The following GPC5 variants were observed in gnomAD, a reference collection of about 807,000 sequenced individuals.
The protein encoded by GPC5 is glypican 5.
A neutral mutation model predicts 53.9 loss-of-function variants in GPC5; 47 were observed. That is an observed-to-expected ratio of 0.87 (90% CI 0.69 to 1.11). The LOEUF is 1.11. Among genes scored for constraint, GPC5 ranks in the 50% most tolerant of loss-of-function variants. The pLI is 0.00. For missense variants in GPC5, 748 were observed against 713.1 expected (o/e 1.05, Z -0.56); for synonymous variants, 286 against 263.3 (o/e 1.09, Z -0.84).
intron 7 of GPC5, among the ~76,000 whole-genome samples, chr13:92,758,043 T>G (rs983181499): frequency 6.6e-6 from 1 of 150,788 alleles, no homozygotes; most frequent in Non-Finnish European, 1.5e-5. Context: ...GTATGTTTAT[T>G]GTGGCACTAT....
intron 7 of GPC5, among the ~76,000 whole-genome samples, chr13:92,204,909 C>A (rs1006609314): frequency 6.6e-6 from 1 of 152,128 alleles, no homozygotes; most frequent in African/African-American, 2.4e-5. Flanking sequence ...GACAGAGTCT[C>A]GCTCTTTCTC....
At chr13:91,456,832 AT>A (rs67560339) in intron 2 of GPC5, among the ~76,000 whole-genome samples, 191 of 143,132 alleles carry the variant, frequency 1.3e-3, no homozygotes, top group East Asian at 1.4e-3. Context: ...TGAATATGGG[AT>A]TTTTTTTTTT....
intron 7 of GPC5, among the ~76,000 whole-genome samples, chr13:92,167,719 AG>A (rs1246127262): frequency 6.6e-6 from 1 of 152,198 alleles, no homozygotes; most frequent in Non-Finnish European, 1.5e-5. Flanking sequence ...TAAACACAAA[AG>A]CTTCCAGATC....
At chr13:91,541,859 C>G (rs1035583447) in intron 2 of GPC5, among the ~76,000 whole-genome samples, 1 of 119,038 alleles carries the variant, frequency 8.4e-6, no homozygotes, top group Non-Finnish European at 1.9e-5. Flanking sequence ...TTATTTCTGA[C>G]TTTAATAAGA....
At chr13:92,655,399 A>G (rs1886098030) in intron 7 of GPC5, among the ~76,000 whole-genome samples, 1 of 151,966 alleles carries the variant, frequency 6.6e-6, no homozygotes, top group South Asian at 2.1e-4. Flanking sequence ...CAATGGCACA[A>G]TCTCGACTCA....
chr13:91,418,408 T>A (rs1164017422), intron 1 of GPC5, among the ~76,000 whole-genome samples: 1 of 152,168 alleles, frequency 6.6e-6, no homozygotes, highest in Admixed American at 6.5e-5. Flanking sequence ...CAAGGAGTGC[T>A]AGGATCAGCA....
chr13:92,434,534 A>G (rs1207036567), intron 7 of GPC5, among the ~76,000 whole-genome samples: 2 of 152,142 alleles, frequency 1.3e-5, no homozygotes, highest in African/African-American at 4.8e-5. Flanking sequence ...ATTCAAGATG[A>G]CCTTTTCTTT....
chr13:92,075,301 T>C (rs1191780519), intron 6 of GPC5, among the ~76,000 whole-genome samples: 4 of 152,264 alleles, frequency 2.6e-5, no homozygotes, highest in Admixed American at 2.0e-4. Flanking sequence ...GACTTCACTA[T>C]TTTCAACTCA....
chr13:92,720,395 T>C (rs1403392444), intron 7 of GPC5, among the ~76,000 whole-genome samples: 1 of 152,174 alleles, frequency 6.6e-6, no homozygotes, highest in East Asian at 1.9e-4. Flanking sequence ...TAAAAGTAAT[T>C]CAATAATAGT....
chr13:91,709,645 A>G (rs1447781159), intron 3 of GPC5, among the ~76,000 whole-genome samples: 1 of 152,178 alleles, frequency 6.6e-6, no homozygotes, highest in African/African-American at 2.4e-5. Flanking sequence ...CAACACTGTA[A>G]CTTCTCTTTT....
intron 7 of GPC5, among the ~76,000 whole-genome samples, chr13:92,728,628 A>ATTG (rs2139296294): frequency 6.6e-6 from 1 of 151,524 alleles, no homozygotes; most frequent in African/African-American, 2.4e-5. Context: ...TACAGCACTG[A>ATTG]TTGTTATTAT....
intron 6 of GPC5, among the ~76,000 whole-genome samples, chr13:92,091,883 G>T (rs1373927403): frequency 1.3e-5 from 2 of 151,902 alleles, no homozygotes; most frequent in African/African-American, 4.8e-5. Flanking sequence ...ATACATACAG[G>T]CCATGAGTTA....
intron 2 of GPC5, among the ~76,000 whole-genome samples, chr13:91,638,869 A>G (rs183816852): frequency 1.3e-5 from 2 of 152,336 alleles, no homozygotes; most frequent in African/African-American, 4.8e-5. Flanking sequence ...GGATGAATTA[A>G]TCTGTATGTT....
At chr13:91,862,723 A>T (rs1156651844) in intron 5 of GPC5, among the ~76,000 whole-genome samples, 1 of 152,172 alleles carries the variant, frequency 6.6e-6, no homozygotes, top group African/African-American at 2.4e-5. Flanking sequence ...AAACCAGAAA[A>T]TTAATGTTAA....
intron 6 of GPC5, among the ~76,000 whole-genome samples, chr13:92,132,006 A>G (rs2041747971): frequency 6.6e-6 from 1 of 152,132 alleles, no homozygotes; most frequent in Non-Finnish European, 1.5e-5. Context: ...TACACTCAAA[A>G]CAGTTCAATT....
At chr13:92,452,062 A>G (rs1359423287) in intron 7 of GPC5, among the ~76,000 whole-genome samples, 2 of 152,232 alleles carry the variant, frequency 1.3e-5, no homozygotes, top group Admixed American at 6.5e-5. Flanking sequence ...CAAATATAAT[A>G]CAATTCTAAT....
intron 7 of GPC5, among the ~76,000 whole-genome samples, chr13:92,358,520 C>A (rs1272877280): frequency 6.6e-6 from 1 of 151,752 alleles, no homozygotes; most frequent in Non-Finnish European, 1.5e-5. Flanking sequence ...CCCCTGTGCA[C>A]TACCCTGGTA....
At chr13:91,918,964 C>A (rs138224129) in intron 6 of GPC5, among the ~76,000 whole-genome samples, 1 of 152,256 alleles carries the variant, frequency 6.6e-6, no homozygotes, top group East Asian at 1.9e-4. Context: ...TTCTGAGTCT[C>A]AGATACTTCA....
chr13:91,699,154 A>C (rs1001128325), intron 3 of GPC5, among the ~76,000 whole-genome samples: 3 of 152,252 alleles, frequency 2.0e-5, no homozygotes, highest in Non-Finnish European at 4.4e-5. Context: ...GACTCAGATC[A>C]GAATGTATAA....
Sources: gnomAD v4.1 joint callset for allele counts (sites outside exome capture counted in the v4.1 genomes callset) on GRCh38, gnomAD v4.1.1 for gene constraint, MANE v1.5 for transcripts, NCBI Gene and HGNC (gene_info 2026-07-23, HGNC 2026-07-21) for gene names.